TTC34: variants seen among roughly 807,000 people sequenced by gnomAD.
TTC34 encodes the protein tetratricopeptide repeat domain 34, also known as tetratricopeptide repeat protein 34.
TTC34 carries 44 observed loss-of-function variants against 40.7 expected under a neutral mutation model. The observed-to-expected ratio is 1.08, with a 90% CI of 0.85 to 1.39. TTC34 has a LOEUF of 1.39. TTC34 is among the 40% of genes most tolerant of loss of function. TTC34 has a pLI of 0.00. For synonymous variants in TTC34, 422 were observed against 398.6 expected (o/e 1.06, Z -0.70); for missense variants, 884 against 838.0 (o/e 1.05, Z -0.68).
chr1:2,789,400 C>T, intron 3 of TTC34, 103 bp downstream of exon 3: 4 of 1,187,182 alleles, frequency 3.4e-6, no homozygotes, highest in Non-Finnish European at 4.5e-6. Context: ...CCAGCCACTG[C>T]CTCCGTTCAT....
exon 9 of TTC34, chr1:2,638,999 C>T (rs748339250): frequency 1.3e-5 from 2 of 152,324 alleles, no homozygotes; most frequent in Non-Finnish European, 2.9e-5. Flanking sequence ...CTTCCTGGTT[C>T]ACAGACAGCT....
Position 2,751,163 on chromosome 1 carries a change from C to T in TTC34, c.2226+32446G>A, listed in dbSNP as rs1485487778. ...GCATCTGACACCCTGGAGCAGCACG[C>T]ACATCCCCAGGCGAGCATCCGACAG... On this transcript the variant is annotated intron_variant, in intron 6 of 8. Coordinates refer to ENST00000401095, the Ensembl canonical transcript of TTC34. 2.5e-5 allele frequency among the ~76,000 whole-genome samples: 2 copies of T among 81,398 alleles called. 1 individual carries two copies. Among genetic ancestry groups the T allele is most frequent in the Non-Finnish European group, 4.8e-5 (2 of 41,628 alleles). The allele number at this position is 81,398 out of a possible 152,430, so 53.4% of individuals were successfully genotyped here.
chr1:2,775,024 C>T (rs560792313), intron 6 of TTC34: 67 of 131,656 alleles, frequency 5.1e-4, no homozygotes, highest in Non-Finnish European at 9.5e-4. Context: ...ACAGCATCCA[C>T]ACCCCCAGGT....
In TTC34 at chr1:2,791,447, GC is replaced by G. The variant is rs1319152319; in HGVS notation, c.785-1102del. Among the ~76,000 whole-genome samples, 90 of 152,266 alleles carry G rather than the reference GC, an allele frequency of 5.9e-4. 3 individuals carry two copies. The highest frequency in any genetic ancestry group is 5.9e-3 in the Admixed American group (90 of 15,300). On this transcript the variant is annotated intron_variant, in intron 2 of 8. Coordinates refer to ENST00000401095, the Ensembl canonical transcript of TTC34. ...ATAACCCCATTCAATAGCAACAACA[GC>G]AACAATCTGCTGCATTCAAACAGGA...
At chr1:2,799,921 G>A (rs1228518529) in intron 2 of TTC34, 123 bp downstream of exon 2, 2 of 397,772 alleles carry the variant, frequency 5.0e-6, no homozygotes, top group Non-Finnish European at 8.8e-6. Context: ...TGACTTTCTT[G>A]TCACTGAGGC....
In TTC34 at chr1:2,783,597, G is replaced by A. The variant is rs1045594569; in HGVS notation, c.2226+12C>T. On this transcript the variant is annotated intron_variant, in intron 6 of 8. Coordinates refer to ENST00000401095, the Ensembl canonical transcript of TTC34. The stretch of plus-strand genomic sequence containing the variant: ...GTGCTTGCCCAGGCCCAGGTCAGGA[G>A]TGGGGCGGCACCTGCAGCTGGTCTA... 13 of 1,400,758 alleles carry A rather than the reference G, an allele frequency of 9.3e-6. No homozygotes were observed. The highest frequency in any genetic ancestry group is 1.2e-5 in the Non-Finnish European group (13 of 1,060,372). The allele number at this position is 1,400,758 out of a possible 1,614,324, so 86.8% of individuals were successfully genotyped here.
exon 9 of TTC34, chr1:2,639,298 C>G (rs927875211): frequency 1.3e-5 from 2 of 152,148 alleles, no homozygotes; most frequent in Admixed American, 6.5e-5. Flanking sequence ...ATCCTGAGGT[C>G]CAGGAGGAGC....
intron 6 of TTC34, 138 bp downstream of exon 6, chr1:2,783,471 T>C (rs1031878880): frequency 2.2e-6 from 2 of 891,674 alleles, no homozygotes; most frequent in Non-Finnish European, 3.0e-6. Context: ...CAGGTGGGGA[T>C]GGGAACATGG....
intron 6 of TTC34, among the ~76,000 whole-genome samples, chr1:2,657,422 C>T (rs1289724405): frequency 3.4e-5 from 3 of 89,546 alleles, no homozygotes; most frequent in African/African-American, 7.0e-5. Flanking sequence ...TACCAGTACC[C>T]CCAGGCGAGC....
intron 6 of TTC34, among the ~76,000 whole-genome samples, chr1:2,686,919 C>T (rs1640386164): frequency 6.7e-6 from 1 of 150,300 alleles, no homozygotes; most frequent in Non-Finnish European, 1.5e-5. Flanking sequence ...GAACAGCACC[C>T]ACACTCCCAG....
chr1:2,751,759 C>T (rs1641328077), intron 6 of TTC34, among the ~76,000 whole-genome samples: 1 of 148,406 alleles, frequency 6.7e-6, no homozygotes, highest in Non-Finnish European at 1.5e-5. Context: ...CGTAGAGCAG[C>T]ACCCCACACC....
intron 6 of TTC34, among the ~76,000 whole-genome samples, chr1:2,647,155 T>C (rs1639034803): frequency 6.6e-6 from 1 of 152,280 alleles, no homozygotes; most frequent in East Asian, 1.9e-4. Context: ...ATTTTTCCTC[T>C]TGGGATTTGT....
chr1:2,764,438 G>C (rs1171615668), intron 6 of TTC34, among the ~76,000 whole-genome samples: 1 of 148,348 alleles, frequency 6.7e-6, no homozygotes, highest in Non-Finnish European at 1.5e-5. Context: ...GTGAGCATCT[G>C]ACAGCCTGGG....
intron 6 of TTC34, among the ~76,000 whole-genome samples, chr1:2,650,547 C>A (rs960082343): frequency 9.9e-5 from 15 of 151,648 alleles, no homozygotes; most frequent in Non-Finnish European, 1.9e-4. Context: ...CCTCCACCCC[C>A]AGGGGATCAT....
In TTC34 at chr1:2,751,668, G is replaced by T. The variant is rs1188363070; in HGVS notation, c.2226+31941C>A. ...CACACCCCCAGTTGAGCATTGGACA[G>T]CCTGGATCAGCACCCACAACCCCAA... On this transcript the variant is annotated intron_variant, in intron 6 of 8. Transcript: ENST00000401095. Among the ~76,000 whole-genome samples the T allele has an allele frequency of 1.4e-4, 17 of 123,586 alleles. 4 individuals are homozygous for T. The highest frequency in any genetic ancestry group is 5.1e-4 in the African/African-American group (14 of 27,210). 81.1% of individuals were successfully genotyped at this position (123,586 alleles called of 152,430 possible). A position where few individuals can be genotyped will look rare whatever the true frequency, so the allele number is the denominator to read the frequency against.
At chr1:2,797,804 G>A (rs1017314738) in intron 2 of TTC34, among the ~76,000 whole-genome samples, 1 of 151,908 alleles carries the variant, frequency 6.6e-6, no homozygotes, top group Non-Finnish European at 1.5e-5. Context: ...TTTCCCATCC[G>A]CGCTTCCCTC....
chr1:2,683,814 G>A (rs1370282227), intron 6 of TTC34, among the ~76,000 whole-genome samples: 1 of 145,940 alleles, frequency 6.9e-6, no homozygotes, highest in African/African-American at 2.6e-5. Context: ...GCATCTGACA[G>A]CCGGGAACAG....
At chr1:2,795,419 G>A (rs1034057650) in intron 2 of TTC34, among the ~76,000 whole-genome samples, 3 of 152,190 alleles carry the variant, frequency 2.0e-5, no homozygotes, top group Admixed American at 6.5e-5. Context: ...ATGTGTCCGG[G>A]GCCTTGGTGA....
At chr1:2,787,905 C>T (rs1643613089) in intron 3 of TTC34, among the ~76,000 whole-genome samples, 199 bp from the exon 4 acceptor site, 1 of 152,258 alleles carries the variant, frequency 6.6e-6, no homozygotes, top group Admixed American at 6.5e-5. Flanking sequence ...CCTTGCCCTT[C>T]TCCTACCCTG....
Sources: allele counts gnomAD v4.1 joint callset (sites outside exome capture counted in the v4.1 genomes callset), GRCh38; gene constraint gnomAD v4.1.1; transcripts MANE v1.5; gene names NCBI Gene and HGNC (gene_info 2026-07-23, HGNC 2026-07-21).